UPK1B: variants seen among roughly 807,000 people sequenced by gnomAD.
UPK1B encodes uroplakin 1B, also known as uroplakin-1b.
UPK1B carries 28 observed loss-of-function variants against 34.2 expected under a neutral mutation model. That is an observed-to-expected ratio of 0.82 (90% CI 0.61 to 1.12). UPK1B has a LOEUF of 1.12. Among genes scored for constraint, UPK1B ranks in the 50% most tolerant of loss-of-function variants. The pLI, the probability that UPK1B is intolerant of heterozygous loss-of-function variation, is 0.00. For synonymous variants in UPK1B, 81 were observed against 110.4 expected, an observed-to-expected ratio of 0.73 and a Z score of 1.67; for missense variants, 325 against 320.9, an observed-to-expected ratio of 1.01 and a Z score of -0.10.
chr3:119,190,966 C>T lies in UPK1B; in HGVS notation c.346-16C>T, dbSNP rs1192319896. The T allele has an allele frequency of 6.2e-7, 1 of 1,612,756 alleles. No individual in the cohort carries two copies. Among genetic ancestry groups the T allele is most frequent in the Admixed American group, 1.7e-5 (1 of 59,806 alleles). ...CGTGCTATCTCTCCCTCTTGTGTTGCCTCTTCCTACTATAGTTCACACCCA... is the reference window on the plus strand; with the variant it reads ...CGTGCTATCTCTCCCTCTTGTGTTGTCTCTTCCTACTATAGTTCACACCCA... On this transcript the variant is annotated splice_polypyrimidine_tract_variant and intron_variant, in intron 4 of 7. Coordinates refer to ENST00000264234, the MANE Select transcript of UPK1B (RefSeq NM_006952.4).
rs1333994985 is a variant in UPK1B, at chr3:119,181,676, T to C, written c.-28-5038T>C. On this transcript the variant is annotated intron_variant, in intron 1 of 7. Transcript: ENST00000264234. ...CTAGGCAAATTATTAATCTGCACACTCATTTATTCAAATAAACATTATTTA... is the reference window on the plus strand; with the variant it reads ...CTAGGCAAATTATTAATCTGCACACCCATTTATTCAAATAAACATTATTTA... 2.6e-5 allele frequency among the ~76,000 whole-genome samples: 4 copies of C among 152,340 alleles called. No homozygotes were observed. The East Asian group carries it at 7.7e-4, about 29-fold the overall frequency.
At chr3:119,186,560 T>C in intron 1 of UPK1B, 154 bp from the exon 2 acceptor site, 2 of 606,442 alleles carry the variant, frequency 3.3e-6, no homozygotes, top group East Asian at 2.8e-5. Context: ...ATAAAAGTTA[T>C]GTGATTACCA....
At chr3:119,200,323 G>C (rs112482076) in intron 7 of UPK1B, among the ~76,000 whole-genome samples, 3 of 152,274 alleles carry the variant, frequency 2.0e-5, no homozygotes, top group African/African-American at 7.2e-5. Context: ...AAAACACTGG[G>C]ATTATGGCCA....
intron 1 of UPK1B, among the ~76,000 whole-genome samples, chr3:119,178,202 C>A (rs1002408589): frequency 1.3e-5 from 2 of 152,212 alleles, no homozygotes; most frequent in Non-Finnish European, 2.9e-5. Flanking sequence ...GGTCCAACCA[C>A]TCCTCCACTG....
chr3:119,194,337 T>G lies in UPK1B; in HGVS notation c.587T>G (p.Leu196Arg). The change falls in exon 6 of 8, where the codon CTT (leucine) becomes CGT (arginine). Residue 196 changes from leucine to arginine, a missense_variant. Transcript: ENST00000264234. ...WPRQCCVMNNLKEPLNLEACK... is the reference protein window; with the variant it reads ...WPRQCCVMNNRKEPLNLEACK... ...CGTCAATGCTGTGTTATGAACAATC[T>G]TAAAGAACCTCTCAACCTGGAGGCT... is the stretch of plus-strand genomic sequence containing the variant. 6.2e-7 allele frequency: 1 copy of G among 1,613,978 alleles called. No individual in the cohort carries two copies.
chr3:119,190,114 G>C, intron 3 of UPK1B, 131 bp from the exon 4 acceptor site: 1 of 645,460 alleles, frequency 1.5e-6, no homozygotes, highest in Non-Finnish European at 2.6e-6. Context: ...TGGTCAATGA[G>C]GGTTTGTTGA....
intron 2 of UPK1B, 48 bp from the exon 3 acceptor site, chr3:119,187,727 T>C (rs759547415): frequency 7.2e-6 from 11 of 1,523,136 alleles, no homozygotes; most frequent in Non-Finnish European, 1.0e-5. Context: ...TCCACCCCCT[T>C]TCCCAAAGCT....
intron 6 of UPK1B, among the ~76,000 whole-genome samples, chr3:119,196,557 G>A (rs1193200080): frequency 1.7e-5 from 2 of 119,100 alleles, no homozygotes; most frequent in Admixed American, 1.9e-4. Context: ...TTTTTTTTGA[G>A]ATGGAGCCTG....
chr3:119,198,962 G>C, intron 6 of UPK1B, 95 bp from the exon 7 acceptor site: 1 of 1,370,014 alleles, frequency 7.3e-7, no homozygotes, highest in Non-Finnish European at 1.0e-6. Flanking sequence ...AGAATTTTGA[G>C]TAGCATTGAT....
chr3:119,185,015 G>T (rs1156600479), intron 1 of UPK1B, among the ~76,000 whole-genome samples: 1 of 152,232 alleles, frequency 6.6e-6, no homozygotes, highest in African/African-American at 2.4e-5. Flanking sequence ...CCCCTTGGGG[G>T]AGTTTGTGCA....
chr3:119,197,619 C>T (rs550220465), intron 6 of UPK1B, among the ~76,000 whole-genome samples: 9 of 152,294 alleles, frequency 5.9e-5, no homozygotes, highest in African/African-American at 1.7e-4. Context: ...ATGTTTATTA[C>T]GTGTCTACTA....
intron 6 of UPK1B, among the ~76,000 whole-genome samples, chr3:119,196,531 TTTTC>T (rs1414252021): frequency 7.6e-6 from 1 of 132,404 alleles, no homozygotes; most frequent in Non-Finnish European, 1.5e-5. Context: ...TGGTTTTTCT[TTTTC>T]TTTTTTTTTT....
At chr3:119,190,774 C>T (rs1463876432) in intron 4 of UPK1B, among the ~76,000 whole-genome samples, 1 of 152,164 alleles carries the variant, frequency 6.6e-6, no homozygotes, top group Non-Finnish European at 1.5e-5. Flanking sequence ...TTCCCCTGGC[C>T]TCATAGTGAT....
chr3:119,203,449 A>T (rs1360778208), intron 7 of UPK1B, among the ~76,000 whole-genome samples: 9 of 151,854 alleles, frequency 5.9e-5, no homozygotes, highest in Non-Finnish European at 1.2e-4. Context: ...GTCCATGCAC[A>T]CTATGGAATA....
At chr3:119,191,153 G>A (rs772759898) in intron 5 of UPK1B, 49 bp downstream of exon 5, 2 of 1,605,844 alleles carry the variant, frequency 1.2e-6, no homozygotes, top group Middle Eastern at 1.7e-4. Context: ...ACTGGTGGGA[G>A]TGGGTGTCAT....
chr3:119,199,185 C>G, intron 7 of UPK1B, 45 bp downstream of exon 7: 1 of 1,605,146 alleles, frequency 6.2e-7, no homozygotes, highest in Non-Finnish European at 8.5e-7. Context: ...GATGATCATA[C>G]GGAGAGACCT....
At chr3:119,178,242 G>C (rs962339372) in intron 1 of UPK1B, among the ~76,000 whole-genome samples, 1 of 152,166 alleles carries the variant, frequency 6.6e-6, no homozygotes, top group Admixed American at 6.5e-5. Context: ...AGTTGGGTCT[G>C]GCCAAATACT....
intron 6 of UPK1B, among the ~76,000 whole-genome samples, chr3:119,194,756 A>G (rs771597998): frequency 2.0e-5 from 3 of 152,238 alleles, no homozygotes; most frequent in Admixed American, 6.5e-5. Flanking sequence ...ATGATGTGCA[A>G]AAAGAATGTT....
At chr3:119,174,529 C>T (rs1260210683) in intron 1 of UPK1B, among the ~76,000 whole-genome samples, 4 of 151,446 alleles carry the variant, frequency 2.6e-5, no homozygotes, top group South Asian at 2.1e-4. Context: ...GCTGAGGCCA[C>T]GTGATCAGGA....
Sources: allele counts gnomAD v4.1 joint callset (sites outside exome capture counted in the v4.1 genomes callset), GRCh38; gene constraint gnomAD v4.1.1; transcripts MANE v1.5; gene names NCBI Gene and HGNC (gene_info 2026-07-23, HGNC 2026-07-21).